ATP6V0A4: variants seen among roughly 807,000 people sequenced by gnomAD.
The protein encoded by ATP6V0A4 is V-type proton ATPase 116 kDa subunit a 4.
Under a neutral mutation model 107.3 loss-of-function variants are expected in ATP6V0A4, and 86 were observed. That is an observed-to-expected ratio of 0.80 (90% CI 0.67 to 0.96). The LOEUF is 0.96. Among genes scored for constraint, ATP6V0A4 ranks in the 40% least tolerant of loss-of-function variants. The pLI is 0.00. For missense variants in ATP6V0A4, 908 were observed against 1,045.6 expected, an observed-to-expected ratio of 0.87 and a Z score of 1.81; for synonymous variants, 353 against 381.4, an observed-to-expected ratio of 0.93 and a Z score of 0.87.
At position 138,754,730 on chromosome 7, in the gene ATP6V0A4, C is replaced by T. The variant is rs887972710; in HGVS notation, c.816+959G>A. 2.6e-5 allele frequency among the ~76,000 whole-genome samples: 4 copies of T among 152,130 alleles called. No homozygotes were observed. In the East Asian group the frequency reaches 7.8e-4, roughly 30 times the overall value. On this transcript the variant is annotated intron_variant, in intron 10 of 21. Transcript: ENST00000310018. ...CTTTGCCTCTCAGGTTCAAACGATT[C>T]TCCTGCCTCAGCCTCCCGAGTAGCT... is the stretch of plus-strand genomic sequence containing the variant.
intron 14 of ATP6V0A4, among the ~76,000 whole-genome samples, chr7:138,741,828 G>A (rs929761679): frequency 1.3e-5 from 2 of 152,208 alleles, no homozygotes; most frequent in South Asian, 2.1e-4. Flanking sequence ...GACCCAGGTC[G>A]CAGCTGGTGA....
At chr7:138,724,957 T>C (rs1220593167) in intron 18 of ATP6V0A4, among the ~76,000 whole-genome samples, 3 of 152,158 alleles carry the variant, frequency 2.0e-5, no homozygotes, top group Non-Finnish European at 2.9e-5. Flanking sequence ...TCATTGTAAA[T>C]TAGCTACTGG....
intron 12 of ATP6V0A4, 54 bp from the exon 13 acceptor site, chr7:138,747,618 C>A: frequency 1.9e-6 from 3 of 1,602,220 alleles, no homozygotes; most frequent in Non-Finnish European, 2.6e-6. Context: ...TCGGGGCCCC[C>A]ACCTCAGATT....
chr7:138,792,390 G>T (rs556435612), intron 1 of ATP6V0A4, among the ~76,000 whole-genome samples: 41 of 152,144 alleles, frequency 2.7e-4, no homozygotes, highest in Admixed American at 6.6e-4. Context: ...GCACTTGTGA[G>T]AACATATATT....
intron 17 of ATP6V0A4, among the ~76,000 whole-genome samples, chr7:138,730,931 C>CTTCTTCTTTT (rs1554392929): frequency 5.7e-5 from 7 of 123,754 alleles, no homozygotes; most frequent in African/African-American, 1.2e-4. Context: ...TCTTCTTCTT[C>CTTCTTCTTTT]TTTTTTTATT....
chr7:138,736,591 A>G (rs184225188), intron 15 of ATP6V0A4, among the ~76,000 whole-genome samples: 2 of 151,888 alleles, frequency 1.3e-5, no homozygotes, highest in East Asian at 3.9e-4. Flanking sequence ...TATTTTTTTG[A>G]GACAGAGTCT....
intron 3 of ATP6V0A4, among the ~76,000 whole-genome samples, chr7:138,769,688 A>G (rs531799040): frequency 1.3e-5 from 2 of 152,288 alleles, no homozygotes; most frequent in South Asian, 4.1e-4. Context: ...AGATACTTCC[A>G]TGCACAAGAC....
intron 6 of ATP6V0A4, 175 bp from the exon 7 acceptor site, chr7:138,762,609 C>A: frequency 2.6e-6 from 2 of 778,562 alleles, no homozygotes; most frequent in Non-Finnish European, 3.1e-6. Context: ...TGGTCTTTTC[C>A]TACCAAAACC....
chr7:138,775,736 T>C (rs899155486), intron 2 of ATP6V0A4, among the ~76,000 whole-genome samples: 4 of 149,330 alleles, frequency 2.7e-5, no homozygotes, highest in African/African-American at 7.4e-5. Flanking sequence ...CTGCAAGCTC[T>C]GCCTCCTGGG....
At chr7:138,748,121 G>C (rs1806048816) in intron 12 of ATP6V0A4, among the ~76,000 whole-genome samples, 1 of 151,126 alleles carries the variant, frequency 6.6e-6, no homozygotes, top group South Asian at 2.1e-4. Flanking sequence ...TAAGTGACTT[G>C]TCAAAAATCA....
At chr7:138,719,152 TG>T (rs962499712) in intron 19 of ATP6V0A4, among the ~76,000 whole-genome samples, 2 of 152,080 alleles carry the variant, frequency 1.3e-5, no homozygotes, top group Non-Finnish European at 2.9e-5. Context: ...TGCCACTGCA[TG>T]CCAGCCTCAG....
chr7:138,770,616 G>A (rs1473168568), intron 3 of ATP6V0A4, among the ~76,000 whole-genome samples: 2 of 152,166 alleles, frequency 1.3e-5, no homozygotes, highest in Admixed American at 6.5e-5. Flanking sequence ...TACGAACTTG[G>A]TGAGGGTCTA....
At position 138,719,319 on chromosome 7, in the gene ATP6V0A4, G is replaced by T. The variant is rs56396450; in HGVS notation, c.2139+2578C>A. On this transcript the variant is annotated intron_variant, in intron 19 of 21. Transcript: ENST00000310018. ...CTTTGTTATTCATGCTGGGCCCCTGGGACCACACCTGATCGTTTATGCGAA... is the reference window on the plus strand; with the variant it reads ...CTTTGTTATTCATGCTGGGCCCCTGTGACCACACCTGATCGTTTATGCGAA... Among the ~76,000 whole-genome samples, 16 of 152,202 alleles carry T rather than the reference G, an allele frequency of 1.1e-4. 1 individual carries two copies. In the Middle Eastern group the frequency reaches 0.01, roughly 97 times the overall value.
intron 19 of ATP6V0A4, among the ~76,000 whole-genome samples, chr7:138,719,817 A>C (rs1428016281): frequency 1.4e-4 from 21 of 152,222 alleles, no homozygotes; most frequent in Admixed American, 1.2e-3. Context: ...GTCAGGAGTT[A>C]AAGGCCAGCC....
At chr7:138,732,718 CA>C (rs1049554810) in intron 17 of ATP6V0A4, among the ~76,000 whole-genome samples, 158 bp downstream of exon 17, 1 of 151,226 alleles carries the variant, frequency 6.6e-6, no homozygotes, top group Non-Finnish European at 1.5e-5. Flanking sequence ...CGTTTTAACC[CA>C]GGAGGTGGAG....
intron 13 of ATP6V0A4, among the ~76,000 whole-genome samples, chr7:138,745,605 A>C (rs112705618): frequency 6.9e-6 from 1 of 144,226 alleles, no homozygotes; most frequent in Non-Finnish European, 1.5e-5. Flanking sequence ...TGAACCTGGG[A>C]GTTGGAGGCT....
intron 10 of ATP6V0A4, 24 bp from the exon 11 acceptor site, chr7:138,752,861 A>T (rs764902764): frequency 1.6e-5 from 26 of 1,612,082 alleles, no homozygotes; most frequent in Non-Finnish European, 2.2e-5. Flanking sequence ...AACACACAGG[A>T]AAACAGAGAA....
Position 138,706,593 on chromosome 7 carries a change from G to T in ATP6V0A4, c.*31C>A. 1 of 1,612,634 alleles carries T rather than the reference G, an allele frequency of 6.2e-7. No homozygotes were observed. Among genetic ancestry groups the T allele is most frequent in the South Asian group, 1.1e-5 (1 of 91,044 alleles). On this transcript the variant is annotated 3_prime_UTR_variant, in exon 22 of 22. Coordinates refer to ENST00000310018, the MANE Select transcript of ATP6V0A4 (RefSeq NM_020632.3). Reference sequence around the variant, plus strand: ...AAGACTGAACTTCCTTCATTGGCATGGTGACCACCGTGGGAGGTGCAGCCC... The same window carrying T: ...AAGACTGAACTTCCTTCATTGGCATTGTGACCACCGTGGGAGGTGCAGCCC...
intron 21 of ATP6V0A4, 120 bp from the exon 22 acceptor site, chr7:138,706,837 G>T (rs181821338): frequency 2.6e-6 from 4 of 1,522,500 alleles, no homozygotes; most frequent in African/African-American, 2.8e-5. Context: ...AAAGTCAGAA[G>T]GGTTGGCCAC....
Sources: gnomAD v4.1 joint callset for allele counts (sites outside exome capture counted in the v4.1 genomes callset) on GRCh38, gnomAD v4.1.1 for gene constraint, MANE v1.5 for transcripts, NCBI Gene and HGNC (gene_info 2026-07-23, HGNC 2026-07-21) for gene names.